The following TYW1B variants were observed in gnomAD, a reference collection of about 807,000 sequenced individuals.
TYW1B encodes S-adenosyl-L-methionine-dependent tRNA 4-demethylwyosine synthase TYW1B.
Under a neutral mutation model 86.9 loss-of-function variants are expected in TYW1B, and 73 were observed. The ratio of observed to expected loss-of-function variants is 0.84; its 90% CI spans 0.70 to 1.02. TYW1B has a LOEUF of 1.02. Among genes scored for constraint, TYW1B ranks in the 50% least tolerant of loss-of-function variants. The probability of loss-of-function intolerance (pLI) is 0.00; values close to 1 mark genes in which losing one functional copy is unlikely to be tolerated. For synonymous variants in TYW1B, 248 were observed against 292.8 expected (o/e 0.85, Z 1.56); for missense variants, 637 against 827.4 (o/e 0.77, Z 2.82).
intron 10 of TYW1B, among the ~76,000 whole-genome samples, chr7:72,699,162 G>A (rs183528776): frequency 6.6e-6 from 1 of 152,272 alleles, no homozygotes; most frequent in African/African-American, 2.4e-5. Context: ...CAAGGTCAAA[G>A]TCAAAGCTGA....
intron 13 of TYW1B, among the ~76,000 whole-genome samples, chr7:72,582,724 T>G (rs1489647972): frequency 1.3e-5 from 2 of 152,184 alleles, no homozygotes; most frequent in African/African-American, 4.8e-5. Context: ...CTGCAGAGAC[T>G]TCTTCAAAAA....
chr7:72,799,559 A>G (rs1183552353), intron 6 of TYW1B, among the ~76,000 whole-genome samples: 4 of 144,676 alleles, frequency 2.8e-5, no homozygotes, highest in African/African-American at 1.0e-4. Context: ...TCTGCCTCCC[A>G]GGTTCACGCC....
chr7:72,764,260 C>G (rs1787735144), intron 7 of TYW1B, among the ~76,000 whole-genome samples: 1 of 152,130 alleles, frequency 6.6e-6, no homozygotes, highest in Non-Finnish European at 1.5e-5. Flanking sequence ...CATTCCAAAA[C>G]TGCTTTTTAT....
chr7:72,703,081 G>A (rs1330893138), intron 10 of TYW1B, among the ~76,000 whole-genome samples: 4 of 143,190 alleles, frequency 2.8e-5, no homozygotes, highest in African/African-American at 7.8e-5. Context: ...CCAGAGTGCA[G>A]TGGCACTATC....
At chr7:72,759,413 T>G (rs1392930255) in intron 7 of TYW1B, among the ~76,000 whole-genome samples, 3 of 152,068 alleles carry the variant, frequency 2.0e-5, no homozygotes, top group Non-Finnish European at 2.9e-5. Context: ...TTACAGAATT[T>G]TCTTTGCTCT....
chr7:72,741,256 C>A (rs1787300269), intron 8 of TYW1B, among the ~76,000 whole-genome samples: 1 of 151,958 alleles, frequency 6.6e-6, no homozygotes, highest in Non-Finnish European at 1.5e-5. Context: ...CTAAACAAAT[C>A]CAGAATATCA....
chr7:72,799,779 TAA>T (rs1278693368), intron 6 of TYW1B, among the ~76,000 whole-genome samples: 1 of 152,188 alleles, frequency 6.6e-6, no homozygotes, highest in Non-Finnish European at 1.5e-5. Flanking sequence ...GCCTTTTTTT[TAA>T]AAGAGTTCAT....
chr7:72,731,587 C>T (rs2129571084), intron 8 of TYW1B, among the ~76,000 whole-genome samples: 1 of 152,236 alleles, frequency 6.6e-6, no homozygotes, highest in East Asian at 1.9e-4. Flanking sequence ...AAACTCACTT[C>T]ACCTGTAAAG....
At chr7:72,709,659 C>T (rs1380812599) in intron 10 of TYW1B, among the ~76,000 whole-genome samples, 2 of 152,044 alleles carry the variant, frequency 1.3e-5, no homozygotes, top group African/African-American at 4.8e-5. Context: ...CAGAGCGAGA[C>T]TCCGTCTCAA....
Position 72,717,644 on chromosome 7 carries a change from GACACACACACACACAC to G in TYW1B, c.1193-3862_1193-3847del, listed in dbSNP as rs71071905. Among the ~76,000 whole-genome samples the G allele has an allele frequency of 2.1e-3, 311 of 146,202 alleles. 2 individuals are homozygous for G. Among genetic ancestry groups the G allele is most frequent in the African/African-American group, 7.6e-3 (298 of 39,406 alleles). ...TAAGGTATTGGTGTCAGCTGTGCTT[GACACACACACACACAC>G]ACACACACACACACACACTCTAATT... On this transcript the variant is annotated intron_variant, in intron 9 of 13. Coordinates refer to ENST00000620995, the MANE Select transcript of TYW1B (RefSeq NM_001145440.3).
intron 6 of TYW1B, among the ~76,000 whole-genome samples, chr7:72,799,122 C>T (rs868922293): frequency 1.4e-5 from 2 of 146,740 alleles, no homozygotes; most frequent in Non-Finnish European, 3.0e-5. Flanking sequence ...GGATTACAGG[C>T]ATGAGCCACG....
chr7:72,635,971 C>T (rs1812656920), intron 11 of TYW1B, among the ~76,000 whole-genome samples: 1 of 152,120 alleles, frequency 6.6e-6, no homozygotes, highest in Admixed American at 6.5e-5. Context: ...TCAGGGTAGC[C>T]ATGTTTCAAG....
At chr7:72,614,945 A>G (rs1210160267) in intron 13 of TYW1B, among the ~76,000 whole-genome samples, 1 of 152,170 alleles carries the variant, frequency 6.6e-6, no homozygotes, top group African/African-American at 2.4e-5. Flanking sequence ...AATCAATCTG[A>G]CTCCACTCAT....
chr7:72,626,342 T>C (rs1287622888), intron 12 of TYW1B, among the ~76,000 whole-genome samples: 1 of 151,610 alleles, frequency 6.6e-6, no homozygotes, highest in Admixed American at 6.6e-5. Context: ...AGAGTTGGCT[T>C]TCCCAGACAG....
chr7:72,796,715 T>C (rs1344012936), intron 6 of TYW1B, among the ~76,000 whole-genome samples: 1 of 150,174 alleles, frequency 6.7e-6, no homozygotes, highest in African/African-American at 2.4e-5. Context: ...CCAGGGCTCA[T>C]CTGTTACCCT....
At chr7:72,683,146 C>T (rs185259662) in intron 11 of TYW1B, among the ~76,000 whole-genome samples, 46 of 152,266 alleles carry the variant, frequency 3.0e-4, no homozygotes, top group African/African-American at 1.0e-3. Context: ...CTCCAGCCAG[C>T]GCCGGCCTTC....
intron 2 of TYW1B, among the ~76,000 whole-genome samples, chr7:72,825,453 C>T (rs1269914503): frequency 6.6e-6 from 1 of 152,114 alleles, no homozygotes; most frequent in Admixed American, 6.5e-5. Context: ...CCGAGGCAGG[C>T]GCATCACCTG....
chr7:72,643,674 G>C (rs1465915475), intron 11 of TYW1B, among the ~76,000 whole-genome samples: 2 of 152,062 alleles, frequency 1.3e-5, no homozygotes, highest in African/African-American at 4.8e-5. Flanking sequence ...TTATCAAATT[G>C]GCATTTGATA....
chr7:72,669,223 C>T (rs578244492), intron 11 of TYW1B, among the ~76,000 whole-genome samples: 1 of 131,438 alleles, frequency 7.6e-6, no homozygotes, highest in South Asian at 2.6e-4. Context: ...CGGCTCATTC[C>T]AACTTCCGCC....
Sources: allele counts gnomAD v4.1 joint callset (sites outside exome capture counted in the v4.1 genomes callset), GRCh38; gene constraint gnomAD v4.1.1; transcripts MANE v1.5; gene names NCBI Gene and HGNC (gene_info 2026-07-23, HGNC 2026-07-21).